The following CDC23 variants were observed in gnomAD, a reference collection of about 807,000 sequenced individuals.
The protein encoded by CDC23 is cell division cycle 23.
CDC23 carries 26 observed loss-of-function variants against 81.7 expected under a neutral mutation model. The observed-to-expected ratio is 0.32, with a 90% CI of 0.23 to 0.44. CDC23 has a LOEUF of 0.44. CDC23 is among the 20% of genes least tolerant of loss of function. CDC23 has a pLI of 1.00. For missense variants in CDC23, 519 were observed against 728.0 expected (o/e 0.71, Z 3.30); for synonymous variants, 267 against 270.8 (o/e 0.99, Z 0.14).
chr5:138,191,672 T>A, intron 12 of CDC23, 137 bp from the exon 13 acceptor site: 1 of 966,142 alleles, frequency 1.0e-6, no homozygotes, highest in Non-Finnish European at 1.7e-6. Flanking sequence ...TTCTGATAGG[T>A]CTAGGCTACA....
chr5:138,212,981 A>T lies in CDC23; in HGVS notation c.234+10T>A, dbSNP rs775130311. 2 of 1,612,680 alleles carry T rather than the reference A, an allele frequency of 1.2e-6. No individual in the cohort carries two copies. Among genetic ancestry groups the T allele is most frequent in the Non-Finnish European group, 1.7e-6 (2 of 1,178,956 alleles). ...TTGATGGGGAGCGCTCACTGTAAAC[A>T]TGTCCTTACCTCTGTAATAGGCGGA... On this transcript the variant is annotated intron_variant, in intron 2 of 15. Transcript: ENST00000394886.
In CDC23 at chr5:138,198,155, T is replaced by C. The variant is rs759401475; in HGVS notation, c.1012+44A>G. The C allele has an allele frequency of 1.6e-5, 22 of 1,384,520 alleles. No individual in the cohort carries two copies. The South Asian group carries it at 2.2e-4, about 14-fold the overall frequency. 85.8% of individuals were successfully genotyped at this position (1,384,520 alleles called of 1,614,324 possible). A position where few individuals can be genotyped will look rare whatever the true frequency, so the allele number is the denominator to read the frequency against. ...TGGTTATTTTCACATGTGTTACTTA[T>C]AATAAATATAAATCTTAAAAGAAAA... On this transcript the variant is annotated intron_variant, in intron 9 of 15. Coordinates refer to ENST00000394886, the MANE Select transcript of CDC23 (RefSeq NM_004661.4).
At chr5:138,195,524 T>TAAATTATATATATTTATATATAATA (rs1754875750) in intron 9 of CDC23, among the ~76,000 whole-genome samples, 1 of 122,120 alleles carries the variant, frequency 8.2e-6, no homozygotes, top group Non-Finnish European at 1.6e-5. Context: ...TAAATATATA[T>TAAATTATATATATTTATATATAATA]AAATTATATA....
At chr5:138,196,773 G>A (rs1754913214) in intron 9 of CDC23, among the ~76,000 whole-genome samples, 1 of 145,148 alleles carries the variant, frequency 6.9e-6, no homozygotes. Flanking sequence ...GTAGAGATGG[G>A]GTTTCACCAT....
chr5:138,191,807 C>T, intron 12 of CDC23, 55 bp downstream of exon 12: 1 of 1,382,880 alleles, frequency 7.2e-7, no homozygotes, highest in Non-Finnish European at 1.0e-6. Flanking sequence ...ATAGCCCAAC[C>T]TTCATCTAAA....
chr5:138,197,845 T>C (rs779269386), intron 9 of CDC23, among the ~76,000 whole-genome samples: 2 of 152,214 alleles, frequency 1.3e-5, no homozygotes, highest in Non-Finnish European at 2.9e-5. Flanking sequence ...TGGAATCATG[T>C]TCACCAAACA....
chr5:138,201,976 T>C (rs1439931176), intron 4 of CDC23, 137 bp downstream of exon 4: 4 of 641,338 alleles, frequency 6.2e-6, no homozygotes, highest in African/African-American at 1.9e-5. Context: ...GGGTACAAGG[T>C]AGCTGAGATA....
intron 9 of CDC23, among the ~76,000 whole-genome samples, chr5:138,195,093 T>C (rs1263553975): frequency 6.6e-6 from 1 of 151,840 alleles, no homozygotes; most frequent in Non-Finnish European, 1.5e-5. Flanking sequence ...ACACCAAGAC[T>C]AAGAAGGATT....
At chr5:138,198,805 C>T (rs754903409) in intron 6 of CDC23, 23 bp from the exon 7 acceptor site, 1 of 1,608,488 alleles carries the variant, frequency 6.2e-7, no homozygotes. Flanking sequence ...GAGAGAGGGA[C>T]ACACTTAATA....
Position 138,191,724 on chromosome 5 carries a change from C to T in CDC23, c.1362+138G>A, listed in dbSNP as rs1404707267. The T allele has an allele frequency of 6.4e-6, 6 of 936,942 alleles. No homozygotes were observed. In the Admixed American group the frequency reaches 7.5e-5, roughly 12 times the overall value. The allele number at this position is 936,942 out of a possible 1,614,324, so 58.0% of individuals were successfully genotyped here. ...GATGACCTTGGCCCAGCTTTGCTTT[C>T]AGACTATGTATCTATAAATATTCAG... On this transcript the variant is annotated intron_variant, in intron 12 of 15. Transcript: ENST00000394886.
At chr5:138,211,098 C>T (rs1012000710) in intron 2 of CDC23, among the ~76,000 whole-genome samples, 2 of 152,046 alleles carry the variant, frequency 1.3e-5, no homozygotes, top group South Asian at 4.1e-4. Context: ...TTCACAATGG[C>T]AAAGACATGG....
Position 138,191,508 on chromosome 5 carries a change from C to A in CDC23, c.1390G>T (p.Asp464Tyr), listed in dbSNP as rs1004823002. Residue 464 changes from aspartate (D) to tyrosine (Y), a missense_variant, in exon 13 of 16, where the codon GAT becomes TAT. This residue lies in a region of CDC23 where 175 missense variants were observed against 337.8 expected (regional missense o/e 0.52). Transcript: ENST00000394886. ...KCYWRAYAVG[D>Y]VEKMALVKLA... ...TTCACCAGAGCCATTTTCTCCACAT[C>A]TCCCACGGCGTAAGCTCTCCAATAA... 1 of 1,614,180 alleles carries A rather than the reference C, an allele frequency of 6.2e-7. No individual in the cohort carries two copies. Among genetic ancestry groups the A allele is most frequent in the Non-Finnish European group, 8.5e-7 (1 of 1,180,000 alleles).
intron 3 of CDC23, among the ~76,000 whole-genome samples, chr5:138,202,870 T>C (rs1441090203): frequency 6.6e-6 from 1 of 152,200 alleles, no homozygotes; most frequent in Non-Finnish European, 1.5e-5. Flanking sequence ...CAATGAATAC[T>C]AAATTTAGAG....
At chr5:138,189,979 A>G (rs1754807941) in intron 13 of CDC23, 73 bp from the exon 14 acceptor site, 5 of 1,300,834 alleles carry the variant, frequency 3.8e-6, no homozygotes, top group South Asian at 2.4e-5. Flanking sequence ...GTAAAAGTAC[A>G]TAAGACCAAA....
In CDC23 at chr5:138,198,181, A is replaced by C; in HGVS notation, c.1012+18T>G. On this transcript the variant is annotated intron_variant, in intron 9 of 15. Coordinates refer to ENST00000394886, the MANE Select transcript of CDC23 (RefSeq NM_004661.4). ...AATAAATATAAATCTTAAAAGAAAA[A>C]ATGTAGTTAATTCTTACCAATTACA... is the stretch of plus-strand genomic sequence containing the variant. The C allele has an allele frequency of 6.5e-7, 1 of 1,546,202 alleles. No individual in the cohort carries two copies. Among genetic ancestry groups the C allele is most frequent in the South Asian group, 1.1e-5 (1 of 87,574 alleles).
chr5:138,209,671 A>T (rs550841523), intron 2 of CDC23, among the ~76,000 whole-genome samples: 1 of 150,634 alleles, frequency 6.6e-6, no homozygotes, highest in Admixed American at 6.6e-5. Context: ...TTAAAAATAC[A>T]AAAATTAGCC....
chr5:138,195,747 GTATATATATA>G (rs1754893185), intron 9 of CDC23, among the ~76,000 whole-genome samples: 1 of 106,780 alleles, frequency 9.4e-6, no homozygotes, highest in Non-Finnish European at 1.8e-5. Flanking sequence ...TAATATATAT[GTATATATATA>G]CATATATTAT....
At chr5:138,206,807 C>T (rs939707437) in intron 2 of CDC23, 123 bp from the exon 3 acceptor site, 26 of 777,098 alleles carry the variant, frequency 3.3e-5, no homozygotes, top group Non-Finnish European at 4.9e-5. Flanking sequence ...CTCCTAAAAA[C>T]CTAGAATATG....
chr5:138,206,604 G>A lies in CDC23; in HGVS notation c.315C>T (p.Phe105=), dbSNP rs1755052189. The A allele has an allele frequency of 1.2e-6, 2 of 1,613,844 alleles. No individual in the cohort carries two copies. The highest frequency in any genetic ancestry group is 4.5e-5 in the East Asian group (2 of 44,894). Residue 105 remains phenylalanine, a synonymous_variant, in exon 3 of 16, where the codon TTC becomes TTT. Transcript: ENST00000394886. ...DVKEYDRAAH[F]LHGCNSKKAY... is the part of the protein sequence containing the mutation. The stretch of plus-strand genomic sequence containing the variant: ...CTTTCTTGCTATTGCAGCCATGCAG[G>A]AAATGTGCTGCCCGATCATACTCTT...
Sources: allele counts gnomAD v4.1 joint callset (sites outside exome capture counted in the v4.1 genomes callset), GRCh38; gene constraint gnomAD v4.1.1; regional missense constraint gnomAD v4.1.1; transcripts MANE v1.5; gene names NCBI Gene and HGNC (gene_info 2026-07-23, HGNC 2026-07-21).